The following JMY variants were observed in gnomAD, a reference collection of about 807,000 sequenced individuals.
JMY encodes junction-mediating and -regulatory protein.
JMY carries 46 observed loss-of-function variants against 103.3 expected under a neutral mutation model. The ratio of observed to expected loss-of-function variants is 0.45; its 90% CI spans 0.35 to 0.57. The LOEUF (loss-of-function observed/expected upper bound fraction) is 0.57, where lower values mean the gene tolerates loss of function less well. Ranked by LOEUF, JMY falls within the 20% of genes least tolerant of loss-of-function variation. The probability of loss-of-function intolerance (pLI) is 0.00; values close to 1 mark genes in which losing one functional copy is unlikely to be tolerated. For missense variants in JMY, 1,238 were observed against 1,255.2 expected (o/e 0.99, Z 0.21); for synonymous variants, 526 against 489.3 (o/e 1.07, Z -0.99).
chr5:79,326,560 T>G lies in JMY; in HGVS notation c.*4958T>G, dbSNP rs1486187942. Reference sequence around the variant, plus strand: ...TTTGACAGAATCTCCATTGTTTCATTGAATTTCTCATTGTATTATATGTCT... The same window carrying G: ...TTTGACAGAATCTCCATTGTTTCATGGAATTTCTCATTGTATTATATGTCT... On this transcript the variant is annotated 3_prime_UTR_variant, in exon 11 of 11. Coordinates refer to ENST00000396137, the MANE Select transcript of JMY (RefSeq NM_152405.5). 6.6e-6 allele frequency: 1 copy of G among 152,210 alleles called. No homozygotes were observed. The highest frequency in any genetic ancestry group is 1.5e-5 in the Non-Finnish European group (1 of 68,024). The allele number at this position is 152,210 out of a possible 1,614,324, so 9.4% of individuals were successfully genotyped here.
At chr5:79,270,217 T>G (rs1745704070) in intron 1 of JMY, among the ~76,000 whole-genome samples, 1 of 150,944 alleles carries the variant, frequency 6.6e-6, no homozygotes, top group African/African-American at 2.4e-5. Flanking sequence ...ACATCCTTGC[T>G]TTTTGCCTCA....
chr5:79,276,985 C>G (rs1193190428), intron 1 of JMY, among the ~76,000 whole-genome samples: 2 of 152,176 alleles, frequency 1.3e-5, no homozygotes, highest in African/African-American at 4.8e-5. Context: ...AATCCTCTTA[C>G]TTTGGCCTTC....
In JMY at chr5:79,314,557, T is replaced by A. The variant is rs761441978; in HGVS notation, c.2365T>A (p.Leu789Met). The change falls in exon 9 of 11, where the codon TTG becomes ATG. Residue 789 changes from leucine (L) to methionine (M), a missense_variant. Transcript: ENST00000396137. ...ELPPTISLPLLNNNLEPCSVT... is the reference protein window; with the variant it reads ...ELPPTISLPLMNNNLEPCSVT... ...GCCTCCCACTATATCTCTTCCACTT[T>A]TGAATAACAACCTCGAACCATGTTC... The A allele has an allele frequency of 6.2e-7, 1 of 1,614,142 alleles. No individual in the cohort carries two copies. Among genetic ancestry groups the A allele is most frequent in the South Asian group, 1.1e-5 (1 of 91,070 alleles).
At chr5:79,313,791 A>T (rs1747120937) in intron 8 of JMY, among the ~76,000 whole-genome samples, 1 of 152,232 alleles carries the variant, frequency 6.6e-6, no homozygotes, top group African/African-American at 2.4e-5. Context: ...TAAATTCATA[A>T]TTGTTTGTAA....
chr5:79,245,857 C>T (rs1393288927), intron 1 of JMY, among the ~76,000 whole-genome samples: 1 of 152,138 alleles, frequency 6.6e-6, no homozygotes, highest in African/African-American at 2.4e-5. Context: ...AACTCCTAAA[C>T]TCAGGTATCC....
rs1744525246 is a variant in JMY, at chr5:79,236,918, C to A, written c.268C>A (p.Pro90Thr). 1.0e-5 allele frequency: 14 copies of A among 1,382,078 alleles called. No individual in the cohort carries two copies. The highest frequency in any genetic ancestry group is 1.3e-5 in the Non-Finnish European group (14 of 1,073,224). 85.6% of individuals were successfully genotyped at this position (1,382,078 alleles called of 1,614,324 possible). ...CGGCAGCCCGGCGGGCAGGGGTCGG[C>A]CCGAGGCCACTGCCTCTGCAACTCT... is the stretch of plus-strand genomic sequence containing the variant. Reference protein sequence around the residue: ...GPGSPAGRGRPEATASATLVR... With the variant: ...GPGSPAGRGRTEATASATLVR... The change falls in exon 1 of 11, where the codon CCC (proline) becomes ACC (threonine). Residue 90 changes from proline to threonine, a missense_variant. Coordinates refer to ENST00000396137, the MANE Select transcript of JMY (RefSeq NM_152405.5).
At chr5:79,288,710 T>C (rs1017081542) in intron 2 of JMY, among the ~76,000 whole-genome samples, 7 of 151,656 alleles carry the variant, frequency 4.6e-5, no homozygotes, top group Non-Finnish European at 8.8e-5. Context: ...CTTTTTGTTT[T>C]GTTTTGTTTT....
At position 79,314,351 on chromosome 5, in the gene JMY, A is replaced by G. The variant is rs16876657; in HGVS notation, c.2159A>G (p.His720Arg). ...GAASPVLQED[H>R]CDSLPSVLQV... ...GCAAGTCCTGTTCTCCAAGAGGATCATTGTGACTCTTTACCAAGTGTGTTA... is the reference window on the plus strand; with the variant it reads ...GCAAGTCCTGTTCTCCAAGAGGATCGTTGTGACTCTTTACCAAGTGTGTTA... The change falls in exon 9 of 11, where the codon CAT becomes CGT. Residue 720 changes from histidine (H) to arginine (R), a missense_variant. Coordinates refer to ENST00000396137, the MANE Select transcript of JMY (RefSeq NM_152405.5). 39,498 of 1,614,118 alleles carry G rather than the reference A, an allele frequency of 0.024. 1,544 individuals carry two copies. The highest frequency in any genetic ancestry group is 0.15 in the African/African-American group (11,541 of 74,990).
intron 6 of JMY, among the ~76,000 whole-genome samples, chr5:79,301,480 A>G (rs1746731992): frequency 6.6e-6 from 1 of 152,184 alleles, no homozygotes; most frequent in African/African-American, 2.4e-5. Flanking sequence ...CTGAGAACCC[A>G]CCTTCCTGCT....
rs182138581 is a variant in JMY at position 79,311,338 on chromosome 5, C to G, written c.1969-1065C>G. Among the ~76,000 whole-genome samples the G allele has an allele frequency of 1.4e-4, 21 of 152,172 alleles. No homozygotes were observed. In the East Asian group the frequency reaches 3.1e-3, roughly 22 times the overall value. On this transcript the variant is annotated intron_variant, in intron 7 of 10. Transcript: ENST00000396137. The stretch of plus-strand genomic sequence containing the variant: ...TGCCACCCTTACGTCCCTGCTCATA[C>G]TTTCTTGTTAGAGTTTATGATACAA...
At chr5:79,255,072 C>G (rs1025510464) in intron 1 of JMY, among the ~76,000 whole-genome samples, 1 of 150,872 alleles carries the variant, frequency 6.6e-6, no homozygotes, top group African/African-American at 2.4e-5. Context: ...CTTTTAGTTT[C>G]CCCCCAAAAA....
intron 4 of JMY, among the ~76,000 whole-genome samples, chr5:79,293,629 G>T (rs1056811713): frequency 3.3e-5 from 5 of 151,964 alleles, no homozygotes; most frequent in Non-Finnish European, 1.5e-5. Flanking sequence ...TGACAACCCT[G>T]TACTCAGAGT....
chr5:79,297,708 A>T (rs1320673726), intron 4 of JMY, among the ~76,000 whole-genome samples: 4 of 152,018 alleles, frequency 2.6e-5, no homozygotes, highest in African/African-American at 9.7e-5. Flanking sequence ...TCCACCACTG[A>T]CCTATTGTTT....
At chr5:79,309,509 C>A (rs1393083394) in intron 7 of JMY, among the ~76,000 whole-genome samples, 1 of 152,144 alleles carries the variant, frequency 6.6e-6, no homozygotes, top group Non-Finnish European at 1.5e-5. Context: ...TTAGTTAACA[C>A]CAGTAATTTG....
intron 1 of JMY, 46 bp from the exon 2 acceptor site, chr5:79,277,864 T>A (rs368666055): frequency 1.4e-5 from 22 of 1,559,678 alleles, no homozygotes; most frequent in Non-Finnish European, 1.9e-5. Context: ...TATTTATAGG[T>A]TATTAGAATT....
In JMY at chr5:79,277,896, G is replaced by A. The variant is rs774325959; in HGVS notation, c.1033-14G>A. 3.6e-5 allele frequency: 57 copies of A among 1,601,814 alleles called. No homozygotes were observed. Among genetic ancestry groups the A allele is most frequent in the Non-Finnish European group, 4.8e-5 (56 of 1,171,624 alleles). On this transcript the variant is annotated splice_polypyrimidine_tract_variant and intron_variant, in intron 1 of 10. Coordinates refer to ENST00000396137, the MANE Select transcript of JMY (RefSeq NM_152405.5). ...AATTGATTTTCTTAGTTGTGAAACT[G>A]TCTTGTTCCACAGCTCTTGGATAAG...
intron 1 of JMY, among the ~76,000 whole-genome samples, chr5:79,272,560 G>A (rs973797777): frequency 9.9e-5 from 15 of 151,898 alleles, no homozygotes; most frequent in African/African-American, 2.7e-4. Flanking sequence ...GGGGCTTATA[G>A]CATACCTTCT....
At chr5:79,246,798 C>G (rs1454837460) in intron 1 of JMY, among the ~76,000 whole-genome samples, 1 of 152,012 alleles carries the variant, frequency 6.6e-6, no homozygotes, top group African/African-American at 2.4e-5. Flanking sequence ...AGGAGAATCA[C>G]TTGAACCTGG....
chr5:79,276,540 C>T (rs1745941652), intron 1 of JMY, among the ~76,000 whole-genome samples: 1 of 152,186 alleles, frequency 6.6e-6, no homozygotes, highest in Non-Finnish European at 1.5e-5. Flanking sequence ...ATTCTCATGC[C>T]TCAGCCTCCC....
Sources: gnomAD v4.1 joint callset for allele counts (sites outside exome capture counted in the v4.1 genomes callset) on GRCh38, gnomAD v4.1.1 for gene constraint, MANE v1.5 for transcripts, NCBI Gene and HGNC (gene_info 2026-07-23, HGNC 2026-07-21) for gene names.